C1QTNF3: variants seen among roughly 807,000 people sequenced by gnomAD.
The protein encoded by C1QTNF3 is C1q and TNF related 3, also known as complement C1q tumor necrosis factor-related protein 3.
A neutral mutation model predicts 32.6 loss-of-function variants in C1QTNF3; 26 were observed. That is an observed-to-expected ratio of 0.80 (90% CI 0.58 to 1.11). The LOEUF is 1.11. C1QTNF3 is among the 50% of genes least tolerant of loss of function. The pLI is 0.00. For synonymous variants in C1QTNF3, 155 were observed against 146.0 expected, an observed-to-expected ratio of 1.06 and a Z score of -0.44; for missense variants, 362 against 398.2, an observed-to-expected ratio of 0.91 and a Z score of 0.77.
chr5:34,169,873 TTCCTCCA>T, the C1QTNF3 span, among the ~76,000 whole-genome samples: 1 of 152,060 alleles, frequency 6.6e-6, no homozygotes, highest in Admixed American at 6.6e-5. Flanking sequence ...AGTATGGCGG[TTCCTCCA>T]AAAGCTAAAA....
chr5:34,178,650 C>A, the C1QTNF3 span, among the ~76,000 whole-genome samples: 1 of 152,430 alleles, frequency 6.6e-6, no homozygotes, highest in African/African-American at 2.4e-5. Flanking sequence ...GCAAACAAAT[C>A]CCATCTCCCT....
the C1QTNF3 span, among the ~76,000 whole-genome samples, chr5:34,112,102 T>C: frequency 6.6e-6 from 1 of 152,212 alleles, no homozygotes; most frequent in Non-Finnish European, 1.5e-5. Flanking sequence ...ACAAGGGCTC[T>C]AGATGATCAT....
the C1QTNF3 span, among the ~76,000 whole-genome samples, chr5:34,054,878 T>C: frequency 6.6e-6 from 1 of 152,184 alleles, no homozygotes; most frequent in Non-Finnish European, 1.5e-5. Flanking sequence ...TTGATTATCA[T>C]CATCACTACT....
chr5:34,195,423 T>C, the C1QTNF3 span, among the ~76,000 whole-genome samples: 1 of 141,736 alleles, frequency 7.1e-6, no homozygotes, highest in African/African-American at 2.6e-5. Flanking sequence ...GAAAAATTAT[T>C]GATACTGTTA....
At chr5:34,143,123 C>A in the C1QTNF3 span, among the ~76,000 whole-genome samples, 1 of 152,166 alleles carries the variant, frequency 6.6e-6, no homozygotes, top group Admixed American at 6.5e-5. Context: ...AAATTCACTA[C>A]AAGATATATA....
intron 4 of C1QTNF3, among the ~76,000 whole-genome samples, chr5:34,026,980 A>G (rs1754477363): frequency 6.6e-6 from 1 of 152,244 alleles, no homozygotes; most frequent in African/African-American, 2.4e-5. Flanking sequence ...AGGGCATCAG[A>G]AAAACCTGGT....
At chr5:34,122,692 G>C in the C1QTNF3 span, among the ~76,000 whole-genome samples, 1 of 152,146 alleles carries the variant, frequency 6.6e-6, no homozygotes, top group East Asian at 1.9e-4. Context: ...CTGTTTGGGA[G>C]AGAACAAGTG....
the C1QTNF3 span, among the ~76,000 whole-genome samples, chr5:34,101,441 T>C: frequency 2.9e-4 from 44 of 152,132 alleles, no homozygotes; most frequent in Non-Finnish European, 5.9e-4. Flanking sequence ...ATAAAAGTGC[T>C]TGGCGCATTT....
At chr5:34,061,909 G>A in the C1QTNF3 span, among the ~76,000 whole-genome samples, 2 of 152,206 alleles carry the variant, frequency 1.3e-5, no homozygotes, top group African/African-American at 4.8e-5. Flanking sequence ...CAGCTGGCTT[G>A]GATTTCTCCT....
rs959725290 is a variant in C1QTNF3 at position 34,017,920 on chromosome 5, A to T, written c.*2663T>A. 7.5e-5 allele frequency among the ~76,000 whole-genome samples: 2 copies of T among 26,502 alleles called. No homozygotes were observed. The highest frequency in any genetic ancestry group is 1.3e-4 in the Non-Finnish European group (2 of 15,320). The allele number at this position is 26,502 out of a possible 152,430, so 17.4% of individuals were successfully genotyped here. A position where few individuals can be genotyped will look rare whatever the true frequency, so the allele number is the denominator to read the frequency against. ...TGCTCATGACATATTATTTGTAATA[A>T]AAAAAAAATAATATTTTCCAAAACA... On this transcript the variant is annotated 3_prime_UTR_variant, in exon 6 of 6. Transcript: ENST00000382065.
chr5:34,033,033 T>C (rs1000767678), intron 3 of C1QTNF3: 1 of 363,658 alleles, frequency 2.7e-6, no homozygotes, highest in East Asian at 5.2e-5. Flanking sequence ...GGAGATAAGT[T>C]TATATTTAGG....
intron 3 of C1QTNF3, among the ~76,000 whole-genome samples, chr5:34,029,366 C>G (rs1428703020): frequency 6.6e-6 from 1 of 151,808 alleles, no homozygotes; most frequent in Admixed American, 6.6e-5. Flanking sequence ...TCTCAAACTC[C>G]TAGGCTCAAG....
At chr5:34,080,031 A>G in the C1QTNF3 span, among the ~76,000 whole-genome samples, 1 of 151,750 alleles carries the variant, frequency 6.6e-6, no homozygotes, top group Non-Finnish European at 1.5e-5. Flanking sequence ...ACAATTGTGT[A>G]CATAGCTCCA....
the C1QTNF3 span, among the ~76,000 whole-genome samples, chr5:34,095,260 A>C: frequency 6.6e-6 from 1 of 151,952 alleles, no homozygotes. Flanking sequence ...TTCCTAATGT[A>C]AGATAAATCT....
the C1QTNF3 span, among the ~76,000 whole-genome samples, chr5:34,234,136 CA>C: frequency 2.0e-5 from 3 of 152,054 alleles, no homozygotes; most frequent in African/African-American, 7.2e-5. Context: ...TAGTCAAAAT[CA>C]ACATAAAGTT....
At chr5:34,038,733 A>T (rs1256758618) in intron 1 of C1QTNF3, among the ~76,000 whole-genome samples, 2 of 152,148 alleles carry the variant, frequency 1.3e-5, no homozygotes, top group Admixed American at 1.3e-4. Context: ...GAGGGAAGCT[A>T]GGAGCCATAA....
the C1QTNF3 span, among the ~76,000 whole-genome samples, chr5:34,229,441 TAAAC>T: frequency 6.6e-6 from 1 of 152,146 alleles, no homozygotes; most frequent in East Asian, 1.9e-4. Context: ...AATCTTGACA[TAAAC>T]TAACATATTG....
At chr5:34,207,718 C>G in the C1QTNF3 span, among the ~76,000 whole-genome samples, 1 of 151,872 alleles carries the variant, frequency 6.6e-6, no homozygotes, top group Non-Finnish European at 1.5e-5. Context: ...AGATTCCAAA[C>G]AATGGCTTGA....
the C1QTNF3 span, among the ~76,000 whole-genome samples, chr5:34,193,809 A>G: frequency 3.3e-5 from 5 of 151,734 alleles, no homozygotes; most frequent in African/African-American, 1.2e-4. Flanking sequence ...AAACATAAAT[A>G]TTACCAAATA....
Sources: allele counts gnomAD v4.1 joint callset (sites outside exome capture counted in the v4.1 genomes callset), GRCh38; gene constraint gnomAD v4.1.1; transcripts MANE v1.5; gene names NCBI Gene and HGNC (gene_info 2026-07-23, HGNC 2026-07-21).